The following RABGAP1L variants were observed in gnomAD, a reference collection of about 807,000 sequenced individuals.
RABGAP1L encodes the protein RAB GTPase activating protein 1 like.
A neutral mutation model predicts 137.7 loss-of-function variants in RABGAP1L; 63 were observed. The observed-to-expected ratio is 0.46, with a 90% confidence interval of 0.37 to 0.56. RABGAP1L has a LOEUF of 0.56. Ranked by LOEUF, RABGAP1L falls within the 20% of genes least tolerant of loss-of-function variation. The pLI, the probability that RABGAP1L is intolerant of heterozygous loss-of-function variation, is 0.00. For synonymous variants in RABGAP1L, 431 were observed against 433.7 expected, an observed-to-expected ratio of 0.99 and a Z score of 0.08; for missense variants, 1,095 against 1,244.0, an observed-to-expected ratio of 0.88 and a Z score of 1.80.
At position 174,550,921 on chromosome 1, in the gene RABGAP1L, C is replaced by CAT. The variant is rs1386199205; in HGVS notation, c.1711-86444_1711-86443dup. On this transcript the variant is annotated intron_variant, in intron 13 of 25. Coordinates refer to ENST00000681986, the MANE Select transcript of RABGAP1L (RefSeq NM_001366446.1). ...ACACACACACATATACACACACACACATATATATATACACATATATATACA... is the reference window on the plus strand; with the variant it reads ...ACACACACACATATACACACACACACATATATATATATACACATATATATACA... Among the ~76,000 whole-genome samples, 79 of 90,948 alleles carry CAT rather than the reference C, an allele frequency of 8.7e-4. 4 individuals are homozygous for CAT. Among genetic ancestry groups the CAT allele is most frequent in the Admixed American group, 1.7e-3 (15 of 8,960 alleles). The allele number at this position is 90,948 out of a possible 152,430, so 59.7% of individuals were successfully genotyped here. A position where few individuals can be genotyped will look rare whatever the true frequency, so the allele number is the denominator to read the frequency against.
chr1:174,842,132 T>A (rs1693478847), intron 19 of RABGAP1L, among the ~76,000 whole-genome samples: 1 of 152,218 alleles, frequency 6.6e-6, no homozygotes, highest in Non-Finnish European at 1.5e-5. Flanking sequence ...ATATAACAAA[T>A]CTACATTCAA....
intron 4 of RABGAP1L, among the ~76,000 whole-genome samples, chr1:174,239,146 A>C (rs1020983689): frequency 3.9e-4 from 59 of 152,264 alleles, no homozygotes; most frequent in Middle Eastern, 6.8e-3. Context: ...TGCGCGCACC[A>C]ACTGGCCTGC....
chr1:174,478,757 T>TA (rs1216363663), intron 13 of RABGAP1L, among the ~76,000 whole-genome samples: 6 of 152,238 alleles, frequency 3.9e-5, no homozygotes, highest in African/African-American at 1.4e-4. Context: ...CAATACAACT[T>TA]ACAAACCGTT....
chr1:174,645,301 A>G (rs1294025789), intron 14 of RABGAP1L, among the ~76,000 whole-genome samples: 6 of 152,130 alleles, frequency 3.9e-5, no homozygotes, highest in East Asian at 3.9e-4. Flanking sequence ...GGTTTGTTTC[A>G]TAGGTATAGA....
rs12562840 is a variant in RABGAP1L, at chr1:174,988,860, C to G, written c.3003+22C>G. ...TCAGGTTGGTGATTTGATAAAAGAA[C>G]AAGAAGAAAGAATAAACAATTAATG... is the stretch of plus-strand genomic sequence containing the variant. On this transcript the variant is annotated intron_variant, in intron 25 of 25. Coordinates refer to ENST00000681986, the MANE Select transcript of RABGAP1L (RefSeq NM_001366446.1). 5.4e-4 allele frequency: 817 copies of G among 1,523,940 alleles called. 4 individuals carry two copies. The East Asian group carries it at 0.013, about 25-fold the overall frequency. 94.4% of individuals were successfully genotyped at this position (1,523,940 alleles called of 1,614,324 possible).
intron 13 of RABGAP1L, among the ~76,000 whole-genome samples, chr1:174,469,073 A>G (rs961791790): frequency 3.3e-5 from 5 of 152,180 alleles, no homozygotes; most frequent in African/African-American, 7.2e-5. Context: ...TGTGTTAAGT[A>G]TATGCTTATG....
At chr1:174,420,158 T>C (rs1651082426) in intron 13 of RABGAP1L, among the ~76,000 whole-genome samples, 1 of 151,686 alleles carries the variant, frequency 6.6e-6, no homozygotes, top group South Asian at 2.1e-4. Context: ...ATGGAGCTAG[T>C]AGTTTAACAC....
chr1:174,935,543 A>C (rs1327152550), intron 19 of RABGAP1L: 2 of 152,244 alleles, frequency 1.3e-5, no homozygotes, highest in Non-Finnish European at 2.9e-5. Flanking sequence ...GAATTCTGAA[A>C]ATTATAACAT....
At chr1:174,505,489 G>A (rs1326963789) in intron 13 of RABGAP1L, among the ~76,000 whole-genome samples, 1 of 147,796 alleles carries the variant, frequency 6.8e-6, no homozygotes, top group South Asian at 2.1e-4. Flanking sequence ...TGTACAAAAT[G>A]TGTTCTGAAT....
chr1:174,757,374 G>T (rs947754435), intron 18 of RABGAP1L, among the ~76,000 whole-genome samples: 23 of 151,990 alleles, frequency 1.5e-4, no homozygotes, highest in Admixed American at 1.1e-3. Context: ...GGAATTGCTA[G>T]GTCAAACTGT....
At chr1:174,902,821 G>T (rs532336080) in intron 19 of RABGAP1L, among the ~76,000 whole-genome samples, 2 of 152,324 alleles carry the variant, frequency 1.3e-5, no homozygotes, top group East Asian at 3.9e-4. Context: ...TCTGGGTCAG[G>T]TGGTTTGCCT....
At chr1:174,180,513 A>G (rs1666265192) in intron 1 of RABGAP1L, among the ~76,000 whole-genome samples, 3 of 152,254 alleles carry the variant, frequency 2.0e-5, no homozygotes, top group Admixed American at 2.0e-4. Flanking sequence ...CACCTACCTT[A>G]GAGTACAATA....
At chr1:174,255,581 A>G (rs954948455) in intron 7 of RABGAP1L, among the ~76,000 whole-genome samples, 5 of 152,138 alleles carry the variant, frequency 3.3e-5, no homozygotes, top group Non-Finnish European at 5.9e-5. Flanking sequence ...CTGGAGTGCC[A>G]TGGCCTGATC....
chr1:174,819,245 G>GGA (rs576980739), intron 19 of RABGAP1L, among the ~76,000 whole-genome samples: 1 of 148,496 alleles, frequency 6.7e-6, no homozygotes, highest in Non-Finnish European at 1.5e-5. Flanking sequence ...AGTAAGTATG[G>GGA]GAGAGAGAGA....
chr1:174,701,917 A>G (rs574673257), intron 16 of RABGAP1L, among the ~76,000 whole-genome samples, 196 bp from the exon 17 acceptor site: 2 of 152,128 alleles, frequency 1.3e-5, no homozygotes, highest in Admixed American at 6.5e-5. Flanking sequence ...GTCTGTTTTT[A>G]TTTTCCTCAA....
chr1:174,989,869 A>G lies in RABGAP1L; in HGVS notation c.3024A>G (p.Gly1008=). The G allele has an allele frequency of 6.4e-7, 1 of 1,550,628 alleles. No individual in the cohort carries two copies. The highest frequency in any genetic ancestry group is 8.7e-7 in the Non-Finnish European group (1 of 1,146,946). Residue 1008 remains glycine (G), a synonymous_variant, in exon 26 of 26, where the codon GGA becomes GGG. Coordinates refer to ENST00000681986, the MANE Select transcript of RABGAP1L (RefSeq NM_001366446.1). Reference sequence around the variant, plus strand: ...ATTAGGAACTTGAACATCAGAGAGGAGCCCTTATGAATGAAATCCAAGCTG... The same window carrying G: ...ATTAGGAACTTGAACATCAGAGAGGGGCCCTTATGAATGAAATCCAAGCTG... ...CKIQELEHQR[G]ALMNEIQAAK...
chr1:174,809,257 C>A (rs1689630613), intron 18 of RABGAP1L, among the ~76,000 whole-genome samples: 1 of 152,188 alleles, frequency 6.6e-6, no homozygotes, highest in Non-Finnish European at 1.5e-5. Flanking sequence ...CCAACAATGT[C>A]TAGGAAAGGA....
intron 19 of RABGAP1L, among the ~76,000 whole-genome samples, chr1:174,873,692 G>A (rs1198776696): frequency 1.3e-5 from 2 of 149,772 alleles, no homozygotes; most frequent in South Asian, 2.1e-4. Context: ...TGTATTTTTA[G>A]TAGAGGTGGG....
Position 174,448,517 on chromosome 1 carries a change from A to G in RABGAP1L, c.1710+54372A>G, listed in dbSNP as rs1178164292. The stretch of plus-strand genomic sequence containing the variant: ...TTCTATGGCATGTCTTGCTTGCATC[A>G]GTGTGGATCGTTATCTTGCAATAAC... On this transcript the variant is annotated intron_variant, in intron 13 of 25. Coordinates refer to ENST00000681986, the MANE Select transcript of RABGAP1L (RefSeq NM_001366446.1). This position sits in a 1 kb window ranked among gnomAD's most constrained non-coding sequence, Gnocchi z 4.2. 1.2e-6 allele frequency: 2 copies of G among 1,613,054 alleles called. No individual in the cohort carries two copies. Among genetic ancestry groups the G allele is most frequent in the South Asian group, 1.1e-5 (1 of 91,052 alleles).
Sources: gnomAD v4.1 joint callset for allele counts (sites outside exome capture counted in the v4.1 genomes callset) on GRCh38, gnomAD v4.1.1 for gene constraint, Gnocchi (gnomAD v3.1) non-coding constraint, MANE v1.5 for transcripts, NCBI Gene and HGNC (gene_info 2026-07-23, HGNC 2026-07-21) for gene names.